Variants in ISY1 observed in about 807,000 individuals in gnomAD.
ISY1 encodes the protein pre-mRNA-splicing factor ISY1 homolog.
A neutral mutation model predicts 54.4 loss-of-function variants in ISY1; 12 were observed. That is an observed-to-expected ratio of 0.22 (90% CI 0.14 to 0.36). The LOEUF is 0.36. ISY1 is among the 10% of genes least tolerant of loss of function. The probability of loss-of-function intolerance (pLI) is 1.00; values close to 1 mark genes in which losing one functional copy is unlikely to be tolerated. For missense variants in ISY1, 282 were observed against 342.2 expected (o/e 0.82, Z 1.39); for synonymous variants, 96 against 117.9 (o/e 0.81, Z 1.20).
chr3:129,154,105 G>C (rs1937058182), intron 5 of ISY1, among the ~76,000 whole-genome samples: 1 of 152,204 alleles, frequency 6.6e-6, no homozygotes, highest in African/African-American at 2.4e-5. Context: ...AGCCAGGCGA[G>C]GGGGTGGGCG....
intron 5 of ISY1, among the ~76,000 whole-genome samples, chr3:129,153,001 C>T (rs866468289): frequency 0.015 from 1,945 of 131,172 alleles, 19 homozygotes; most frequent in Admixed American, 0.028. Context: ...AATTCAATTT[C>T]TTTCCATCTT....
chr3:129,130,209 G>A, intron 10 of ISY1, 21 bp from the exon 11 acceptor site: 2 of 1,585,528 alleles, frequency 1.3e-6, no homozygotes, highest in Non-Finnish European at 1.7e-6. Context: ...TAAGAGTGCA[G>A]GGCTCACTCC....
intron 5 of ISY1, among the ~76,000 whole-genome samples, chr3:129,148,793 T>A (rs1321015126): frequency 6.6e-6 from 1 of 152,180 alleles, no homozygotes; most frequent in African/African-American, 2.4e-5. Context: ...GGTCTCAAAC[T>A]CCTGGCCTCA....
intron 6 of ISY1, among the ~76,000 whole-genome samples, chr3:129,143,129 T>G (rs901660799): frequency 6.6e-6 from 1 of 151,832 alleles, no homozygotes; most frequent in African/African-American, 2.4e-5. Context: ...GTAAAAGGAT[T>G]ACTTGCACCT....
intron 5 of ISY1, 61 bp downstream of exon 5, chr3:129,156,572 A>C: frequency 6.5e-7 from 1 of 1,538,956 alleles, no homozygotes; most frequent in African/African-American, 1.4e-5. Context: ...GGAGTATTGA[A>C]GTCCTCAAGT....
chr3:129,129,696 ATG>A lies in ISY1; in HGVS notation c.*383_*384del. The A allele has an allele frequency of 6.4e-6, 1 of 157,418 alleles. No individual in the cohort carries two copies. Among genetic ancestry groups the A allele is most frequent in the South Asian group, 2.0e-4 (1 of 4,916 alleles). 9.8% of individuals were successfully genotyped at this position (157,418 alleles called of 1,614,324 possible). A position where few individuals can be genotyped will look rare whatever the true frequency, so the allele number is the denominator to read the frequency against. ...GCCACATCATCTCATTTTTCAAGAG[ATG>A]TGTCTTTTAGAAAATTTGCATTTTT... On this transcript the variant is annotated 3_prime_UTR_variant, in exon 11 of 11. Transcript: ENST00000393295.
Position 129,129,330 on chromosome 3 carries a change from C to T in ISY1, c.*751G>A, listed in dbSNP as rs1442152908. ...CTAACGGAGAGCCCAGAGCAGCAACCAACACAGAGGGACCTGGTCATTGAC... is the reference window on the plus strand; with the variant it reads ...CTAACGGAGAGCCCAGAGCAGCAACTAACACAGAGGGACCTGGTCATTGAC... On this transcript the variant is annotated 3_prime_UTR_variant, in exon 11 of 11. Transcript: ENST00000393295. The T allele has an allele frequency of 2.0e-5, 3 of 151,658 alleles. No homozygotes were observed. The highest frequency in any genetic ancestry group is 4.4e-5 in the Non-Finnish European group (3 of 68,006). The allele number at this position is 151,658 out of a possible 1,614,324, so 9.4% of individuals were successfully genotyped here. A position where few individuals can be genotyped will look rare whatever the true frequency, so the allele number is the denominator to read the frequency against.
At chr3:129,130,236 ACCC>A in intron 10 of ISY1, 48 bp from the exon 11 acceptor site, 1 of 1,539,984 alleles carries the variant, frequency 6.5e-7, no homozygotes, top group Non-Finnish European at 8.7e-7. Context: ...AAGCCCCTCA[ACCC>A]CTGCCAGACC....
chr3:129,150,981 C>T (rs982986026), intron 5 of ISY1, among the ~76,000 whole-genome samples: 3 of 151,040 alleles, frequency 2.0e-5, no homozygotes, highest in African/African-American at 7.3e-5. Context: ...AAAAATCAGC[C>T]AGGTGTGGTG....
At chr3:129,148,970 C>A (rs1034832884) in intron 5 of ISY1, among the ~76,000 whole-genome samples, 2 of 152,138 alleles carry the variant, frequency 1.3e-5, no homozygotes, top group Non-Finnish European at 2.9e-5. Flanking sequence ...TTTGTCATCC[C>A]CTTCTCCATT....
chr3:129,142,266 G>A (rs1936643615), intron 6 of ISY1, among the ~76,000 whole-genome samples: 1 of 151,310 alleles, frequency 6.6e-6, no homozygotes, highest in Admixed American at 6.6e-5. Context: ...CCCAGATCAG[G>A]TCCTGTACTG....
chr3:129,158,418 C>G, intron 3 of ISY1, 90 bp downstream of exon 3: 1 of 1,578,496 alleles, frequency 6.3e-7, no homozygotes, highest in Non-Finnish European at 8.6e-7. Flanking sequence ...CTCAGCCTCC[C>G]CAAGTATTGG....
intron 9 of ISY1, among the ~76,000 whole-genome samples, chr3:129,133,655 C>T (rs1014309932): frequency 1.3e-5 from 2 of 152,156 alleles, no homozygotes; most frequent in Admixed American, 6.5e-5. Flanking sequence ...GATTGTGCCA[C>T]TGCACTCCAG....
At chr3:129,149,545 G>C (rs1936873733) in intron 5 of ISY1, among the ~76,000 whole-genome samples, 1 of 122,164 alleles carries the variant, frequency 8.2e-6, no homozygotes, top group Admixed American at 9.9e-5. Context: ...TCAAGAGATG[G>C]AGACCATCCT....
rs987920937 is a variant in ISY1, at chr3:129,151,137, T to C, written c.188-5264A>G. On this transcript the variant is annotated intron_variant, in intron 5 of 10. Coordinates refer to ENST00000393295, the MANE Select transcript of ISY1 (RefSeq NM_020701.4). ...ACTCTGTCTCAAAAAAAAATATATA[T>C]ATATATAAATATATAAAATATATAA... Among the ~76,000 whole-genome samples the C allele has an allele frequency of 1.6e-4, 23 of 145,852 alleles. 2 individuals are homozygous for C. Among genetic ancestry groups the C allele is most frequent in the Admixed American group, 6.2e-4 (9 of 14,446 alleles).
At chr3:129,147,941 T>A (rs1036297776) in intron 5 of ISY1, among the ~76,000 whole-genome samples, 7 of 151,670 alleles carry the variant, frequency 4.6e-5, no homozygotes, top group Non-Finnish European at 7.4e-5. Context: ...GTTTTATTTA[T>A]TTTTTTTATT....
chr3:129,161,018 C>A lies in ISY1; in HGVS notation c.-43G>T. The A allele has an allele frequency of 1.3e-6, 2 of 1,547,868 alleles. No individual in the cohort carries two copies. Among genetic ancestry groups the A allele is most frequent in the Non-Finnish European group, 8.7e-7 (1 of 1,145,654 alleles). On this transcript the variant is annotated 5_prime_UTR_variant, in exon 1 of 11. Coordinates refer to ENST00000393295, the MANE Select transcript of ISY1 (RefSeq NM_020701.4). ...CGTCCTGGAGCCCCGCGGCCCCTGT[C>A]CAAGAAACTCCACAGGCCCAGAAGA... is the stretch of plus-strand genomic sequence containing the variant.
intron 6 of ISY1, chr3:129,144,220 C>A: frequency 2.8e-6 from 1 of 359,648 alleles, no homozygotes. Flanking sequence ...AGAAGATTGG[C>A]ATATAAAAAT....
At chr3:129,146,951 T>C (rs1936779090) in intron 5 of ISY1, among the ~76,000 whole-genome samples, 1 of 151,664 alleles carries the variant, frequency 6.6e-6, no homozygotes, top group Admixed American at 6.6e-5. Context: ...TCCAGCTACT[T>C]GGGAGACTTA....
Sources: allele counts gnomAD v4.1 joint callset (sites outside exome capture counted in the v4.1 genomes callset), GRCh38; gene constraint gnomAD v4.1.1; transcripts MANE v1.5; gene names NCBI Gene and HGNC (gene_info 2026-07-23, HGNC 2026-07-21).